ZCCHC7: variants seen among roughly 807,000 people sequenced by gnomAD.
ZCCHC7 encodes zinc finger CCHC domain-containing protein 7.
In ZCCHC7, 35 loss-of-function variants were observed where a neutral mutation model predicts 52.0. The observed-to-expected ratio is 0.67, with a 90% CI of 0.51 to 0.89. The LOEUF (loss-of-function observed/expected upper bound fraction) is 0.89. Ranked by LOEUF, ZCCHC7 falls within the 40% of genes least tolerant of loss-of-function variation. The pLI is 0.00. For synonymous variants in ZCCHC7, 217 were observed against 221.5 expected, an observed-to-expected ratio of 0.98 and a Z score of 0.18; for missense variants, 574 against 649.1, an observed-to-expected ratio of 0.88 and a Z score of 1.26.
chr9:37,138,195 A>G (rs1319951399), intron 2 of ZCCHC7, among the ~76,000 whole-genome samples: 1 of 152,154 alleles, frequency 6.6e-6, no homozygotes, highest in Non-Finnish European at 1.5e-5. Flanking sequence ...TGTGTTATTC[A>G]CTGTTCCATG....
At chr9:37,176,023 T>C (rs150668734) in intron 2 of ZCCHC7, among the ~76,000 whole-genome samples, 73 of 152,310 alleles carry the variant, frequency 4.8e-4, no homozygotes, top group Middle Eastern at 3.4e-3. Flanking sequence ...TTTCATATGC[T>C]TCTGACAAAT....
At chr9:37,161,357 G>A (rs899266382) in intron 2 of ZCCHC7, among the ~76,000 whole-genome samples, 5 of 152,104 alleles carry the variant, frequency 3.3e-5, no homozygotes, top group African/African-American at 1.2e-4. Flanking sequence ...GGCAGATCAC[G>A]AGGTTAGGAG....
intron 5 of ZCCHC7, among the ~76,000 whole-genome samples, chr9:37,314,799 G>GT (rs1297428665): frequency 1.9e-4 from 28 of 150,994 alleles, no homozygotes; most frequent in African/African-American, 6.8e-4. Context: ...TTCTGATTGG[G>GT]TTTTGAAAAT....
chr9:37,301,164 C>T (rs1829015163), intron 2 of ZCCHC7, among the ~76,000 whole-genome samples: 2 of 152,122 alleles, frequency 1.3e-5, no homozygotes, highest in African/African-American at 4.8e-5. Context: ...AATACTTTTC[C>T]TCTACCAAGC....
At chr9:37,248,646 A>T in intron 2 of ZCCHC7, among the ~76,000 whole-genome samples, 1 of 152,140 alleles carries the variant, frequency 6.6e-6, no homozygotes, top group East Asian at 1.9e-4. Context: ...CTATAGCTGA[A>T]ACCTGTTAGG....
chr9:37,353,880 G>A (rs1401506550), intron 7 of ZCCHC7, among the ~76,000 whole-genome samples: 2 of 152,152 alleles, frequency 1.3e-5, no homozygotes, highest in Non-Finnish European at 2.9e-5. Context: ...GATGGCAGAG[G>A]CAGAAAGGGG....
At chr9:37,258,301 A>G (rs979500840) in intron 2 of ZCCHC7, among the ~76,000 whole-genome samples, 2 of 152,156 alleles carry the variant, frequency 1.3e-5, no homozygotes, top group Non-Finnish European at 1.5e-5. Context: ...TAAAGAGAAC[A>G]TGTGAGATAA....
chr9:37,206,206 T>C (rs1823899722), intron 2 of ZCCHC7, among the ~76,000 whole-genome samples: 1 of 152,054 alleles, frequency 6.6e-6, no homozygotes, highest in Non-Finnish European at 1.5e-5. Flanking sequence ...CACAAGAGAA[T>C]AGTACTAAGC....
Position 37,326,374 on chromosome 9 carries a change from C to T in ZCCHC7, c.952-1425C>T, listed in dbSNP as rs1830239497. ...ATCAGTGTTGTTCATCCAGAAATGA[C>T]TGGATATAATAAGTGGGTTTTTTTA... On this transcript the variant is annotated intron_variant, in intron 5 of 8. Coordinates refer to ENST00000336755, the MANE Select transcript of ZCCHC7 (RefSeq NM_032226.3). 4.6e-5 allele frequency among the ~76,000 whole-genome samples: 7 copies of T among 151,734 alleles called. No individual in the cohort carries two copies. The South Asian group carries it at 1.2e-3, about 27-fold the overall frequency.
In ZCCHC7 at chr9:37,357,751, T is replaced by TG. The variant is rs1182056500; in HGVS notation, c.*484dup. 6.6e-6 allele frequency: 1 copy of TG among 152,052 alleles called. No individual in the cohort carries two copies. The highest frequency in any genetic ancestry group is 1.5e-5 in the Non-Finnish European group (1 of 68,056). 9.4% of individuals were successfully genotyped at this position (152,052 alleles called of 1,614,324 possible). A position where few individuals can be genotyped will look rare whatever the true frequency, so the allele number is the denominator to read the frequency against. ...CAGATTTTCTTTCTGCTGAAGCTGT[T>TG]GTCAGAATCTTCCTTTGGACAAAAC... On this transcript the variant is annotated 3_prime_UTR_variant, in exon 9 of 9. Coordinates refer to ENST00000336755, the MANE Select transcript of ZCCHC7 (RefSeq NM_032226.3).
intron 2 of ZCCHC7, among the ~76,000 whole-genome samples, chr9:37,167,855 A>G (rs183965249): frequency 6.6e-6 from 1 of 152,300 alleles, no homozygotes; most frequent in East Asian, 1.9e-4. Context: ...TGGTGGAAAT[A>G]GACACTATTC....
At chr9:37,158,493 T>C (rs982148963) in intron 2 of ZCCHC7, among the ~76,000 whole-genome samples, 1 of 152,172 alleles carries the variant, frequency 6.6e-6, no homozygotes, top group African/African-American at 2.4e-5. Context: ...GTAAGGAGTA[T>C]CTGGAGGGAA....
At chr9:37,120,450 C>A (rs553785334), upstream of ZCCHC7, 1 of 397,334 alleles carries the variant, frequency 2.5e-6, no homozygotes, top group Non-Finnish European at 4.4e-6. Context: ...GCACATCAGG[C>A]GCGGCAGGTG....
In ZCCHC7 at chr9:37,166,340, T is replaced by C. The variant is rs370678302; in HGVS notation, c.610+39398T>C. Among the ~76,000 whole-genome samples the C allele has an allele frequency of 2.8e-3, 432 of 152,216 alleles. 2 individuals carry two copies. Among genetic ancestry groups the C allele is most frequent in the African/African-American group, 9.8e-3 (407 of 41,536 alleles). On this transcript the variant is annotated intron_variant, in intron 2 of 8. Transcript: ENST00000336755. Reference sequence around the variant, plus strand: ...GAACCTGGCAGGCAGAGGTTTGCAGTGAGCCGAGATCGCGCCACTGCACTC... The same window carrying C: ...GAACCTGGCAGGCAGAGGTTTGCAGCGAGCCGAGATCGCGCCACTGCACTC...
At chr9:37,191,549 TTGAACTC>T (rs1485945689) in intron 2 of ZCCHC7, among the ~76,000 whole-genome samples, 6 of 152,184 alleles carry the variant, frequency 3.9e-5, no homozygotes, top group African/African-American at 1.4e-4. Flanking sequence ...CTCTGAGAGT[TTGAACTC>T]TGATTGAGAG....
At chr9:37,356,258 A>C (rs1027215108) in intron 8 of ZCCHC7, among the ~76,000 whole-genome samples, 2 of 150,752 alleles carry the variant, frequency 1.3e-5, no homozygotes, top group African/African-American at 2.5e-5. Context: ...AAGCGTGTCA[A>C]GCTCTGACAA....
At chr9:37,329,081 A>G (rs1478945171) in intron 6 of ZCCHC7, among the ~76,000 whole-genome samples, 1 of 151,870 alleles carries the variant, frequency 6.6e-6, no homozygotes, top group East Asian at 1.9e-4. Flanking sequence ...GCCTAAACTT[A>G]ATTAGAATCT....
intron 2 of ZCCHC7, among the ~76,000 whole-genome samples, chr9:37,197,725 A>T (rs374192747): frequency 6.6e-6 from 1 of 152,114 alleles, no homozygotes; most frequent in East Asian, 1.9e-4. Flanking sequence ...CAAAACAGCA[A>T]TTGCACTATT....
chr9:37,338,359 T>C, intron 6 of ZCCHC7, among the ~76,000 whole-genome samples: 1 of 152,318 alleles, frequency 6.6e-6, no homozygotes, highest in Middle Eastern at 3.4e-3. Context: ...TTATATCTAT[T>C]TACATTACTT....
Sources: gnomAD v4.1 joint callset for allele counts (sites outside exome capture counted in the v4.1 genomes callset) on GRCh38, gnomAD v4.1.1 for gene constraint, MANE v1.5 for transcripts, NCBI Gene and HGNC (gene_info 2026-07-23, HGNC 2026-07-21) for gene names.